The following SUCLG2 variants were observed in gnomAD, a reference collection of about 807,000 sequenced individuals.
SUCLG2 encodes the protein succinate--CoA ligase [GDP-forming] subunit beta, mitochondrial.
In SUCLG2, 42 loss-of-function variants were observed where a neutral mutation model predicts 47.9. The observed-to-expected ratio is 0.88, with a 90% CI of 0.69 to 1.14. The LOEUF is 1.14. Ranked by LOEUF, SUCLG2 falls within the 50% of genes most tolerant of loss-of-function variation. SUCLG2 has a pLI of 0.00. For synonymous variants in SUCLG2, 195 were observed against 197.3 expected (o/e 0.99, Z 0.10); for missense variants, 571 against 525.9 (o/e 1.09, Z -0.84).
chr3:67,639,450 G>A (rs1340940542), intron 1 of SUCLG2, among the ~76,000 whole-genome samples: 2 of 141,872 alleles, frequency 1.4e-5, no homozygotes, highest in Non-Finnish European at 1.5e-5. Flanking sequence ...CCTTGCAGCA[G>A]ATGCTCTCAG....
intron 1 of SUCLG2, among the ~76,000 whole-genome samples, chr3:67,639,994 T>G (rs1701072206): frequency 1.3e-5 from 2 of 152,190 alleles, no homozygotes; most frequent in Non-Finnish European, 2.9e-5. Flanking sequence ...TTTAGAGCAC[T>G]ACCTATACTG....
chr3:67,376,174 A>AT (rs1553693424), intron 10 of SUCLG2: 90 of 984,750 alleles, frequency 9.1e-5, no homozygotes, highest in Non-Finnish European at 1.0e-4. Flanking sequence ...ACCAGAAGTC[A>AT]CTTGTCTTAA....
rs186582799 is a variant in SUCLG2 at position 67,431,975 on chromosome 3, C to T, written c.1063-31124G>A. Among the ~76,000 whole-genome samples, 563 of 152,254 alleles carry T rather than the reference C, an allele frequency of 3.7e-3. 5 individuals are homozygous for T. Among genetic ancestry groups the T allele is most frequent in the Admixed American group, 0.016 (252 of 15,292 alleles). ...GGTGGCTCAATTGGGCACTGGAGACCATGTTTGTTCTCTTTGGGTGGTACA... is the reference window on the plus strand; with the variant it reads ...GGTGGCTCAATTGGGCACTGGAGACTATGTTTGTTCTCTTTGGGTGGTACA... On this transcript the variant is annotated intron_variant, in intron 9 of 10. Transcript: ENST00000307227.
rs149608192 is a variant in SUCLG2 at position 67,632,371 on chromosome 3, C to T, written c.84+22132G>A. Among the ~76,000 whole-genome samples, 1,010 of 152,122 alleles carry T rather than the reference C, an allele frequency of 6.6e-3. 6 individuals are homozygous for T. Among genetic ancestry groups the T allele is most frequent in the Middle Eastern group, 0.02 (6 of 294 alleles). On this transcript the variant is annotated intron_variant, in intron 1 of 10. Coordinates refer to ENST00000307227, the MANE Select transcript of SUCLG2 (RefSeq NM_003848.4). ...CTAATTTTTGTATTTTTAGTAGAAG[C>T]GGGGTTTCATCATGTTGGCCAGACT...
chr3:67,558,581 T>C (rs2107210449), intron 2 of SUCLG2, among the ~76,000 whole-genome samples: 1 of 152,070 alleles, frequency 6.6e-6, no homozygotes, highest in African/African-American at 2.4e-5. Flanking sequence ...TTCACAAGAG[T>C]GAGTTGAGTT....
At chr3:67,419,818 G>A (rs1173266011) in intron 9 of SUCLG2, among the ~76,000 whole-genome samples, 3 of 152,136 alleles carry the variant, frequency 2.0e-5, no homozygotes, top group Non-Finnish European at 1.5e-5. Context: ...ATTGTGAGGT[G>A]AAAAATATTT....
rs549894960 is a variant in SUCLG2, at chr3:67,458,302, T to C, written c.1062+37496A>G. 1.4e-4 allele frequency among the ~76,000 whole-genome samples: 21 copies of C among 152,264 alleles called. 2 individuals are homozygous for C. The South Asian group carries it at 4.4e-3, about 32-fold the overall frequency. On this transcript the variant is annotated intron_variant, in intron 9 of 10. Transcript: ENST00000307227. ...AACCAAAACAGTGCTTTATAGACATTTGACTCATTTTAATCTCACAACAAC... is the reference window on the plus strand; with the variant it reads ...AACCAAAACAGTGCTTTATAGACATCTGACTCATTTTAATCTCACAACAAC...
At chr3:67,417,716 C>T (rs1703067396) in intron 9 of SUCLG2, among the ~76,000 whole-genome samples, 1 of 152,126 alleles carries the variant, frequency 6.6e-6, no homozygotes, top group Admixed American at 6.5e-5. Context: ...TTCCCCTTTT[C>T]CTCCAGCAGA....
chr3:67,630,954 A>G (rs1218165654), intron 1 of SUCLG2, among the ~76,000 whole-genome samples: 2 of 152,230 alleles, frequency 1.3e-5, no homozygotes, highest in South Asian at 2.1e-4. Flanking sequence ...TGCAAAACCT[A>G]AAGTATCTAC....
intron 2 of SUCLG2, among the ~76,000 whole-genome samples, chr3:67,531,842 T>A (rs1014564455): frequency 6.6e-6 from 1 of 152,194 alleles, no homozygotes; most frequent in Non-Finnish European, 1.5e-5. Context: ...AAAATTAAGA[T>A]GACAAATCCC....
chr3:67,448,309 T>G (rs1703975581), intron 9 of SUCLG2, among the ~76,000 whole-genome samples: 1 of 152,120 alleles, frequency 6.6e-6, no homozygotes, highest in South Asian at 2.1e-4. Context: ...TAGGTAAAAA[T>G]GTAAGTCACA....
At chr3:67,482,599 C>T (rs1219659798) in intron 9 of SUCLG2, among the ~76,000 whole-genome samples, 1 of 152,142 alleles carries the variant, frequency 6.6e-6, no homozygotes, top group Non-Finnish European at 1.5e-5. Flanking sequence ...GAGAAGAAGG[C>T]TCCACTCATG....
At chr3:67,612,569 A>C (rs1316039830) in intron 1 of SUCLG2, among the ~76,000 whole-genome samples, 3 of 152,220 alleles carry the variant, frequency 2.0e-5, no homozygotes, top group Non-Finnish European at 4.4e-5. Flanking sequence ...CATTATATTA[A>C]ATATTCATGT....
chr3:67,529,041 A>G (rs1706331349), intron 3 of SUCLG2, 46 bp downstream of exon 3: 2 of 1,538,922 alleles, frequency 1.3e-6, no homozygotes, highest in Non-Finnish European at 1.8e-6. Flanking sequence ...AAGATCTTCC[A>G]TAACTGCTTG....
chr3:67,506,765 G>A (rs888625571), intron 7 of SUCLG2, among the ~76,000 whole-genome samples: 6 of 152,202 alleles, frequency 3.9e-5, no homozygotes, highest in African/African-American at 1.2e-4. Context: ...AAGAACTTTT[G>A]TTAAACCTTC....
chr3:67,380,228 G>A (rs796968442), intron 10 of SUCLG2, among the ~76,000 whole-genome samples: 1 of 146,140 alleles, frequency 6.8e-6, no homozygotes, highest in Non-Finnish European at 1.5e-5. Flanking sequence ...GGCTCCTTTT[G>A]CTGGGAAGGG....
Position 67,441,942 on chromosome 3 carries a change from T to C in SUCLG2, c.1063-41091A>G, listed in dbSNP as rs559460941. ...CATCAGTATCTTGTTCTGAAATATATAAAATACCTGTCAAGCAAAAGCCTT... is the reference window on the plus strand; with the variant it reads ...CATCAGTATCTTGTTCTGAAATATACAAAATACCTGTCAAGCAAAAGCCTT... On this transcript the variant is annotated intron_variant, in intron 9 of 10. Transcript: ENST00000307227. 1.2e-4 allele frequency among the ~76,000 whole-genome samples: 18 copies of C among 152,180 alleles called. No individual in the cohort carries two copies. In the South Asian group the frequency reaches 1.9e-3, roughly 16 times the overall value.
intron 1 of SUCLG2, among the ~76,000 whole-genome samples, chr3:67,626,337 G>A (rs1700829069): frequency 1.3e-5 from 2 of 151,518 alleles, no homozygotes; most frequent in Non-Finnish European, 2.9e-5. Context: ...ATGGAGCAGA[G>A]CGGGGGCTCG....
At chr3:67,423,692 G>A (rs1703229272) in intron 9 of SUCLG2, among the ~76,000 whole-genome samples, 1 of 152,106 alleles carries the variant, frequency 6.6e-6, no homozygotes. Flanking sequence ...GATCAGAGCA[G>A]AACTTACTTC....
Sources: gnomAD v4.1 joint callset for allele counts (sites outside exome capture counted in the v4.1 genomes callset) on GRCh38, gnomAD v4.1.1 for gene constraint, MANE v1.5 for transcripts, NCBI Gene and HGNC (gene_info 2026-07-23, HGNC 2026-07-21) for gene names.